PCBP3: variants seen among roughly 807,000 people sequenced by gnomAD.
PCBP3 encodes poly(rC)-binding protein 3.
Under a neutral mutation model 52.7 loss-of-function variants are expected in PCBP3, and 25 were observed. The ratio of observed to expected loss-of-function variants is 0.47; its 90% CI spans 0.35 to 0.66. PCBP3 has a LOEUF of 0.66. Ranked by LOEUF, PCBP3 falls within the 30% of genes least tolerant of loss-of-function variation. PCBP3 has a pLI of 0.01. For missense variants in PCBP3, 391 were observed against 490.3 expected, an observed-to-expected ratio of 0.80 and a Z score of 1.91; for synonymous variants, 162 against 183.0, an observed-to-expected ratio of 0.89 and a Z score of 0.93.
chr21:45,692,092 G>T (rs1323099292), intron 2 of PCBP3, among the ~76,000 whole-genome samples: 1 of 152,150 alleles, frequency 6.6e-6, no homozygotes, highest in Non-Finnish European at 1.5e-5. Flanking sequence ...GAAAAGATCA[G>T]CTCAGAAGCT....
chr21:45,784,793 C>T, intron 4 of PCBP3, among the ~76,000 whole-genome samples: 1 of 152,204 alleles, frequency 6.6e-6, no homozygotes, highest in African/African-American at 2.4e-5. Flanking sequence ...AGTGCAGTGG[C>T]GTGATCTCGG....
At chr21:45,888,218 A>G (rs1271519907) in intron 5 of PCBP3, among the ~76,000 whole-genome samples, 1 of 152,186 alleles carries the variant, frequency 6.6e-6, no homozygotes, top group Non-Finnish European at 1.5e-5. Flanking sequence ...TGTTTCTGTT[A>G]CTGTAATAAT....
At chr21:45,895,167 G>A (rs915508291) in intron 5 of PCBP3, among the ~76,000 whole-genome samples, 1 of 152,166 alleles carries the variant, frequency 6.6e-6, no homozygotes, top group Non-Finnish European at 1.5e-5. Context: ...CAGTTGGAAC[G>A]GGCTTTACGT....
chr21:45,866,111 C>T (rs779269618), intron 5 of PCBP3, among the ~76,000 whole-genome samples: 29 of 152,224 alleles, frequency 1.9e-4, no homozygotes, highest in Non-Finnish European at 3.5e-4. Context: ...TGGCTCTCCA[C>T]GTGTGACCCC....
rs1375276307 is a variant in PCBP3 at position 45,791,723 on chromosome 21, A to G, written c.-126+36271A>G. 6.6e-6 allele frequency among the ~76,000 whole-genome samples: 1 copy of G among 152,240 alleles called. No individual in the cohort carries two copies. The highest frequency in any genetic ancestry group is 1.5e-5 in the Non-Finnish European group (1 of 68,034). On this transcript the variant is annotated intron_variant, in intron 4 of 17. Coordinates refer to ENST00000681687, the MANE Select transcript of PCBP3 (RefSeq NM_001384156.1). This position sits in a 1 kb window ranked among gnomAD's most constrained non-coding sequence, Gnocchi z 4.2. ...CCTCTTCAGCTTAGAGAATAGTACT[A>G]CTTGGTTTCCCTGGTAACTGCCAAC...
intron 2 of PCBP3, among the ~76,000 whole-genome samples, chr21:45,687,105 C>T (rs2147696321): frequency 6.6e-6 from 1 of 152,132 alleles, no homozygotes; most frequent in East Asian, 1.9e-4. Context: ...GAACCTTAAG[C>T]ACAGAGGCAG....
intron 3 of PCBP3, among the ~76,000 whole-genome samples, chr21:45,739,186 A>C (rs1603356667): frequency 1.6e-5 from 1 of 64,280 alleles, no homozygotes; most frequent in Admixed American, 2.5e-4. Context: ...CCCCATCTTC[A>C]TCAGCCCACC....
intron 2 of PCBP3, among the ~76,000 whole-genome samples, chr21:45,696,494 A>G (rs757785033): frequency 1.3e-5 from 2 of 152,162 alleles, no homozygotes; most frequent in Non-Finnish European, 2.9e-5. Context: ...TTAATTTTTT[A>G]AAAAAGGCAA....
intron 4 of PCBP3, among the ~76,000 whole-genome samples, chr21:45,781,275 A>T (rs1478054024): frequency 6.6e-6 from 1 of 152,238 alleles, no homozygotes; most frequent in Non-Finnish European, 1.5e-5. Flanking sequence ...TGCAAATCAC[A>T]TATCTAATGT....
At chr21:45,886,994 T>G (rs2095539738) in intron 5 of PCBP3, among the ~76,000 whole-genome samples, 1 of 152,216 alleles carries the variant, frequency 6.6e-6, no homozygotes, top group Non-Finnish European at 1.5e-5. Context: ...GAGCTGCTGC[T>G]CAACATTTCC....
intron 2 of PCBP3, among the ~76,000 whole-genome samples, chr21:45,672,826 T>C (rs1424598172): frequency 6.6e-6 from 1 of 152,178 alleles, no homozygotes; most frequent in African/African-American, 2.4e-5. Flanking sequence ...TTTCCCGGAT[T>C]GTGAGGCCCA....
intron 1 of PCBP3, among the ~76,000 whole-genome samples, chr21:45,645,807 G>C (rs906372234): frequency 1.3e-5 from 2 of 152,174 alleles, no homozygotes; most frequent in Non-Finnish European, 2.9e-5. Context: ...TATTGTAAAG[G>C]TGAACACTGA....
chr21:45,772,889 T>C (rs2089984588), intron 4 of PCBP3, among the ~76,000 whole-genome samples: 1 of 152,192 alleles, frequency 6.6e-6, no homozygotes, highest in South Asian at 2.1e-4. Flanking sequence ...TTTTAAGAAA[T>C]GTCTATTAAG....
chr21:45,897,253 G>A (rs1266011051), intron 6 of PCBP3, among the ~76,000 whole-genome samples: 1 of 152,214 alleles, frequency 6.6e-6, no homozygotes, highest in African/African-American at 2.4e-5. Context: ...CCACACGGAT[G>A]CGTTCCCACC....
rs1158254277 is a variant in PCBP3 at position 45,821,268 on chromosome 21, G to A, written c.-125-28693G>A. 1.3e-5 allele frequency among the ~76,000 whole-genome samples: 2 copies of A among 151,938 alleles called. No individual in the cohort carries two copies. Among genetic ancestry groups the A allele is most frequent in the East Asian group, 1.9e-4 (1 of 5,158 alleles). ...TCCGCAGGGGCTCCAAGACCCTCAG[G>A]GTCGCCAGTGACTCCTGGGTCACAC... On this transcript the variant is annotated intron_variant, in intron 4 of 17. Transcript: ENST00000681687. The surrounding 1 kb of genome is among the most constrained non-coding windows in gnomAD (Gnocchi z 4.4).
chr21:45,846,236 A>C (rs1298815185), intron 4 of PCBP3, among the ~76,000 whole-genome samples: 1 of 152,250 alleles, frequency 6.6e-6, no homozygotes, highest in African/African-American at 2.4e-5. Context: ...TGATAGATAT[A>C]CATCATGAAC....
intron 5 of PCBP3, among the ~76,000 whole-genome samples, chr21:45,864,194 C>T (rs2094617827): frequency 6.6e-6 from 1 of 152,166 alleles, no homozygotes; most frequent in Non-Finnish European, 1.5e-5. Flanking sequence ...TGATGAGTGC[C>T]TTCCATCACT....
chr21:45,738,139 T>A (rs898718451), intron 3 of PCBP3, among the ~76,000 whole-genome samples: 2 of 152,238 alleles, frequency 1.3e-5, no homozygotes, highest in Non-Finnish European at 2.9e-5. Flanking sequence ...AGGGGCTGTT[T>A]TTCAGCTACA....
At chr21:45,770,768 GCTTGGT>G (rs2089800768) in intron 4 of PCBP3, among the ~76,000 whole-genome samples, 1 of 152,248 alleles carries the variant, frequency 6.6e-6, no homozygotes, top group Non-Finnish European at 1.5e-5. Flanking sequence ...CTGAAAGGGG[GCTTGGT>G]GGCCTCTGGT....
Sources: gnomAD v4.1 joint callset for allele counts (sites outside exome capture counted in the v4.1 genomes callset) on GRCh38, gnomAD v4.1.1 for gene constraint, Gnocchi (gnomAD v3.1) non-coding constraint, MANE v1.5 for transcripts, NCBI Gene and HGNC (gene_info 2026-07-23, HGNC 2026-07-21) for gene names.